The following AXDND1 variants were observed in gnomAD, a reference collection of about 807,000 sequenced individuals.
AXDND1 encodes the protein axonemal dynein light chain domain containing 1.
A neutral mutation model predicts 137.5 loss-of-function variants in AXDND1; 110 were observed. The ratio of observed to expected loss-of-function variants is 0.80; its 90% CI spans 0.69 to 0.94. The LOEUF (loss-of-function observed/expected upper bound fraction) is 0.94. Among genes scored for constraint, AXDND1 ranks in the 40% least tolerant of loss-of-function variants. The pLI, the probability that AXDND1 is intolerant of heterozygous loss-of-function variation, is 0.00. For synonymous variants in AXDND1, 414 were observed against 399.7 expected (o/e 1.04, Z -0.43); for missense variants, 1,191 against 1,169.8 (o/e 1.02, Z -0.26).
chr1:179,421,208 T>C (rs953977395), intron 12 of AXDND1, among the ~76,000 whole-genome samples: 1 of 152,034 alleles, frequency 6.6e-6, no homozygotes, highest in African/African-American at 2.4e-5. Flanking sequence ...CATGCTGGTT[T>C]GTTTACTATG....
intron 12 of AXDND1, among the ~76,000 whole-genome samples, chr1:179,420,639 C>CTTT (rs113126689): frequency 1.4e-5 from 2 of 142,362 alleles, no homozygotes; most frequent in Non-Finnish European, 1.5e-5. Flanking sequence ...TGAGGTTTTC[C>CTTT]TTTTTTTTTT....
intron 18 of AXDND1, among the ~76,000 whole-genome samples, chr1:179,485,089 C>T (rs1329745420): frequency 2.0e-5 from 3 of 152,196 alleles, no homozygotes; most frequent in Admixed American, 2.0e-4. Context: ...TGAACATGCA[C>T]AGGGACATTG....
At chr1:179,520,781 T>C (rs1007689772) in intron 21 of AXDND1, among the ~76,000 whole-genome samples, 2 of 150,980 alleles carry the variant, frequency 1.3e-5, no homozygotes, top group African/African-American at 4.9e-5. Context: ...TCTTATTAGG[T>C]TTATGCCTGA....
intron 11 of AXDND1, among the ~76,000 whole-genome samples, chr1:179,404,705 C>G (rs926674509): frequency 3.9e-5 from 6 of 152,082 alleles, no homozygotes; most frequent in African/African-American, 1.4e-4. Flanking sequence ...TGATATTGGT[C>G]TGTAGTTTTC....
At chr1:179,494,789 T>C (rs1040688917) in intron 20 of AXDND1, among the ~76,000 whole-genome samples, 8 of 152,212 alleles carry the variant, frequency 5.3e-5, no homozygotes, top group Admixed American at 2.6e-4. Flanking sequence ...CATAACAACA[T>C]CATAAAGATT....
rs1195396729 is a variant in AXDND1, at chr1:179,551,150, A to T, written c.3032-3362A>T. The T allele has an allele frequency of 1.9e-6, 3 of 1,613,254 alleles. No homozygotes were observed. In the South Asian group the frequency reaches 3.3e-5, roughly 18 times the overall value. On this transcript the variant is annotated intron_variant, in intron 25 of 25. Coordinates refer to ENST00000367618, the MANE Select transcript of AXDND1 (RefSeq NM_144696.6). ...ACTTTTCTATGGCAGGCCCCTTTAC[A>T]GTCACATTATGCCCCATCCTTCCTA...
chr1:179,491,772 A>C (rs749397716), intron 19 of AXDND1, 35 bp downstream of exon 19: 1 of 1,484,614 alleles, frequency 6.7e-7, no homozygotes, highest in Non-Finnish European at 9.0e-7. Context: ...CCTTTTGAAG[A>C]ATTGAATGTC....
chr1:179,533,904 G>A, intron 24 of AXDND1, 27 bp downstream of exon 24: 1 of 1,595,552 alleles, frequency 6.3e-7, no homozygotes, highest in Non-Finnish European at 8.6e-7. Flanking sequence ...ACAATGGTAA[G>A]AGGATGAAAA....
At chr1:179,484,827 A>G (rs983613590) in intron 18 of AXDND1, among the ~76,000 whole-genome samples, 4 of 152,188 alleles carry the variant, frequency 2.6e-5, no homozygotes, top group Non-Finnish European at 5.9e-5. Flanking sequence ...AACCAATGCA[A>G]AGGTATGCAA....
chr1:179,411,179 A>G lies in AXDND1; in HGVS notation c.1143A>G (p.Leu381=). 6.2e-7 allele frequency: 1 copy of G among 1,610,290 alleles called. No homozygotes were observed. The highest frequency in any genetic ancestry group is 8.5e-7 in the Non-Finnish European group (1 of 1,178,000). The change falls in exon 12 of 26, where the codon TTA becomes TTG. Residue 381 remains leucine, a synonymous_variant. Transcript: ENST00000367618. ...IVEEYHDLYT[L]QRERMENDMK... is the part of the protein sequence containing the mutation. The stretch of plus-strand genomic sequence containing the variant: ...AAGAATATCATGACTTATATACATT[A>G]CAAAGAGAAAGGATGGAGAATGATA...
At chr1:179,525,551 CTGTGG>C in intron 22 of AXDND1, 104 bp downstream of exon 22, 1 of 1,340,600 alleles carries the variant, frequency 7.5e-7, no homozygotes, top group Non-Finnish European at 9.8e-7. Context: ...GGTTGGAGTG[CTGTGG>C]TATCATCATA....
At chr1:179,439,677 A>G (rs892371838) in intron 15 of AXDND1, among the ~76,000 whole-genome samples, 9 of 152,196 alleles carry the variant, frequency 5.9e-5, no homozygotes, top group African/African-American at 1.9e-4. Flanking sequence ...GTAGTTTCTC[A>G]GCTTCCTGCA....
intron 16 of AXDND1, among the ~76,000 whole-genome samples, chr1:179,463,778 A>G (rs1466267128): frequency 1.3e-5 from 2 of 152,042 alleles, no homozygotes; most frequent in Non-Finnish European, 2.9e-5. Context: ...GTCTCTAAGG[A>G]CTTGCTTTAT....
rs145051735 is a variant in AXDND1, at chr1:179,549,270, A to G, written c.3032-5242A>G. Among the ~76,000 whole-genome samples, 194 of 152,290 alleles carry G rather than the reference A, an allele frequency of 1.3e-3. 1 individual carries two copies. Among genetic ancestry groups the G allele is most frequent in the Non-Finnish European group, 2.4e-3 (161 of 68,018 alleles). ...CAGTTTCTGAAGAATTTTACCTTTG[A>G]CTATCCACTATACTCTTTCACCTAA... On this transcript the variant is annotated intron_variant, in intron 25 of 25. Coordinates refer to ENST00000367618, the MANE Select transcript of AXDND1 (RefSeq NM_144696.6).
At chr1:179,414,716 C>T (rs913123689) in intron 12 of AXDND1, among the ~76,000 whole-genome samples, 10 of 152,124 alleles carry the variant, frequency 6.6e-5, no homozygotes, top group Non-Finnish European at 1.3e-4. Context: ...TGAGCCACCG[C>T]GCCCGGCCAA....
chr1:179,424,080 CCTT>C (rs1558158225), intron 12 of AXDND1, among the ~76,000 whole-genome samples: 1 of 151,986 alleles, frequency 6.6e-6, no homozygotes, highest in East Asian at 1.9e-4. Flanking sequence ...GACTATCTCT[CCTT>C]CATATTTAAA....
intron 17 of AXDND1, among the ~76,000 whole-genome samples, chr1:179,472,299 T>A (rs1456414266): frequency 3.3e-5 from 5 of 152,346 alleles, no homozygotes; most frequent in African/African-American, 1.2e-4. Context: ...GTCCACATAT[T>A]TGTGAGTTTC....
rs1273719901 is a variant in AXDND1 at position 179,483,121 on chromosome 1, C to T, written c.1998-7C>T. ...GTCACTTTTATTTTACTTGATTTTTCCTTCAGGGTACTCCAAGCGTATATA... is the reference window on the plus strand; with the variant it reads ...GTCACTTTTATTTTACTTGATTTTTTCTTCAGGGTACTCCAAGCGTATATA... On this transcript the variant is annotated splice_region_variant and splice_polypyrimidine_tract_variant and intron_variant, in intron 17 of 25. Transcript: ENST00000367618. 1.3e-6 allele frequency: 2 copies of T among 1,550,242 alleles called. No homozygotes were observed. The highest frequency in any genetic ancestry group is 1.9e-5 in the Admixed American group (1 of 51,708).
At chr1:179,543,067 T>G (rs1672316731) in intron 25 of AXDND1, 1 of 152,252 alleles carries the variant, frequency 6.6e-6, no homozygotes. Context: ...AATCTGGCAC[T>G]GCTATATTTA....
Sources: allele counts gnomAD v4.1 joint callset (sites outside exome capture counted in the v4.1 genomes callset), GRCh38; gene constraint gnomAD v4.1.1; transcripts MANE v1.5; gene names NCBI Gene and HGNC (gene_info 2026-07-23, HGNC 2026-07-21).